AFG3L2: variants seen among roughly 807,000 people sequenced by gnomAD.
The protein encoded by AFG3L2 is mitochondrial inner membrane m-AAA protease component AFG3L2.
In AFG3L2, 54 loss-of-function variants were observed where a neutral mutation model predicts 94.5. The observed-to-expected ratio is 0.57, with a 90% confidence interval of 0.46 to 0.72. The LOEUF (loss-of-function observed/expected upper bound fraction) is 0.72, where lower values mean the gene tolerates loss of function less well. AFG3L2 is among the 30% of genes least tolerant of loss of function. The pLI, the probability that AFG3L2 is intolerant of heterozygous loss-of-function variation, is 0.00. For synonymous variants in AFG3L2, 377 were observed against 365.5 expected, an observed-to-expected ratio of 1.03 and a Z score of -0.36; for missense variants, 754 against 994.9, an observed-to-expected ratio of 0.76 and a Z score of 3.26.
At chr18:12,334,299 C>G (rs928291645) in intron 16 of AFG3L2, among the ~76,000 whole-genome samples, 1 of 152,236 alleles carries the variant, frequency 6.6e-6, no homozygotes, top group Admixed American at 6.5e-5. Context: ...TTTCAATAAA[C>G]AGACCTTAGT....
chr18:12,351,166 G>A lies in AFG3L2; in HGVS notation c.1471C>T (p.Leu491Phe). The stretch of plus-strand genomic sequence containing the variant: ...GTACTGTCCAGTTTTAGCGGTCGGA[G>A]ATGAACTTTGAAAATAGAAGCTCTT... ...KGRASIFKVHLRPLKLDSTLE... is the reference protein window; with the variant it reads ...KGRASIFKVHFRPLKLDSTLE... The change falls in exon 12 of 17, where the codon CTC (leucine) becomes TTC (phenylalanine). Residue 491 changes from leucine (L) to phenylalanine (F), a missense_variant. Physicochemically the swap from Leu to Phe is conservative, Grantham distance 22 (BLOSUM62 0). This residue lies in a region of AFG3L2 where 279 missense variants were observed against 378.6 expected (regional missense o/e 0.74). Transcript: ENST00000269143. The A allele has an allele frequency of 6.2e-7, 1 of 1,614,110 alleles. No individual in the cohort carries two copies. Among genetic ancestry groups the A allele is most frequent in the Non-Finnish European group, 8.5e-7 (1 of 1,180,022 alleles).
At chr18:12,352,899 G>A in intron 10 of AFG3L2, 106 bp downstream of exon 10, 3 of 1,517,394 alleles carry the variant, frequency 2.0e-6, no homozygotes, top group Non-Finnish European at 2.7e-6. Flanking sequence ...AGGATGCAGT[G>A]AGCCGAAATC....
rs1908364105 is a variant in AFG3L2, at chr18:12,352,921, T to G, written c.1318+84A>C. On this transcript the variant is annotated intron_variant, in intron 10 of 16. Transcript: ENST00000269143. ...AGTGAGCCGAAATCACACCACTCAC[T>G]TCAGCCTGGACGACAGAGTCAGACT... The G allele has an allele frequency of 1.9e-6, 3 of 1,584,112 alleles. No individual in the cohort carries two copies. In the South Asian group the frequency reaches 3.3e-5, roughly 18 times the overall value.
chr18:12,353,096 G>A lies in AFG3L2; in HGVS notation c.1227C>T (p.Ile409=), dbSNP rs185454855. 1.4e-5 allele frequency: 23 copies of A among 1,614,114 alleles called. No individual in the cohort carries two copies. The highest frequency in any genetic ancestry group is 1.8e-5 in the Non-Finnish European group (21 of 1,180,020). The stretch of plus-strand genomic sequence containing the variant: ...TTCCTCTCTTCCTTCCCACCGCATC[G>A]ATTTCATCGATGAAGAGGATGCAAG... ...NAPCILFIDE[I]DAVGRKRGRG... The change falls in exon 10 of 17, where the codon ATC becomes ATT. Residue 409 remains isoleucine, a synonymous_variant. Coordinates refer to ENST00000269143, the MANE Select transcript of AFG3L2 (RefSeq NM_006796.3).
At chr18:12,371,952 ATT>A (rs1909004329) in intron 1 of AFG3L2, among the ~76,000 whole-genome samples, 1 of 152,214 alleles carries the variant, frequency 6.6e-6, no homozygotes, top group Non-Finnish European at 1.5e-5. Flanking sequence ...TTGCAATCCA[ATT>A]ATAATTATGT....
intron 10 of AFG3L2, 141 bp from the exon 11 acceptor site, chr18:12,351,554 T>G (rs1908319304): frequency 1.2e-6 from 1 of 818,642 alleles, no homozygotes; most frequent in East Asian, 2.7e-5. Context: ...TTTTTGTTTT[T>G]TTTTTTTTTG....
intron 6 of AFG3L2, among the ~76,000 whole-genome samples, chr18:12,363,113 T>C (rs1303705780): frequency 1.3e-5 from 2 of 152,192 alleles, no homozygotes; most frequent in Non-Finnish European, 2.9e-5. Context: ...ATGGTCACCA[T>C]CACTTCTAGT....
chr18:12,339,927 G>A (rs1598822670), intron 15 of AFG3L2, among the ~76,000 whole-genome samples: 1 of 151,896 alleles, frequency 6.6e-6, no homozygotes, highest in Non-Finnish European at 1.5e-5. Flanking sequence ...GGCTGAGGCA[G>A]GACAATCACT....
chr18:12,329,334 A>C lies in AFG3L2; in HGVS notation c.*231T>G, dbSNP rs969378273. On this transcript the variant is annotated 3_prime_UTR_variant, in exon 17 of 17. Transcript: ENST00000269143. ...ACCTTTCCAGCACGTCTGGGAGCCCAATGAGGCTATGGGACAGTGTGCATT... is the reference window on the plus strand; with the variant it reads ...ACCTTTCCAGCACGTCTGGGAGCCCCATGAGGCTATGGGACAGTGTGCATT... The C allele has an allele frequency of 1.5e-6, 1 of 673,360 alleles. No individual in the cohort carries two copies. The highest frequency in any genetic ancestry group is 2.7e-6 in the Non-Finnish European group (1 of 373,058). The allele number at this position is 673,360 out of a possible 1,614,324, so 41.7% of individuals were successfully genotyped here.
intron 5 of AFG3L2, among the ~76,000 whole-genome samples, chr18:12,364,133 C>G (rs1324790073): frequency 6.6e-6 from 1 of 152,196 alleles, no homozygotes; most frequent in African/African-American, 2.4e-5. Context: ...TATGCACATT[C>G]CCTTCTGCCT....
chr18:12,366,470 C>T (rs1333882576), intron 5 of AFG3L2, among the ~76,000 whole-genome samples: 2 of 152,188 alleles, frequency 1.3e-5, no homozygotes, highest in Non-Finnish European at 2.9e-5. Flanking sequence ...ACTTGGCCCT[C>T]CCTTAGAGCC....
rs1426413791 is a variant in AFG3L2, at chr18:12,352,919, A to G, written c.1318+86T>C. 5.7e-6 allele frequency: 9 copies of G among 1,577,970 alleles called. No individual in the cohort carries two copies. In the East Asian group the frequency reaches 2.0e-4, roughly 36 times the overall value. On this transcript the variant is annotated intron_variant, in intron 10 of 16. Coordinates refer to ENST00000269143, the MANE Select transcript of AFG3L2 (RefSeq NM_006796.3). ...GCAGTGAGCCGAAATCACACCACTC[A>G]CTTCAGCCTGGACGACAGAGTCAGA... is the stretch of plus-strand genomic sequence containing the variant.
At chr18:12,376,941 G>A in intron 1 of AFG3L2, 28 bp downstream of exon 1, 3 of 1,404,898 alleles carry the variant, frequency 2.1e-6, no homozygotes, top group Non-Finnish European at 2.8e-6. Flanking sequence ...GCAGGGTGGA[G>A]GGCGCCGGGC....
intron 8 of AFG3L2, 86 bp downstream of exon 8, chr18:12,358,584 T>C (rs1415007137): frequency 2.7e-6 from 4 of 1,481,438 alleles, no homozygotes; most frequent in Admixed American, 2.0e-5. Flanking sequence ...AAAACAGCTA[T>C]CTATAATAAG....
intron 5 of AFG3L2, among the ~76,000 whole-genome samples, chr18:12,364,176 T>C (rs1908741155): frequency 6.6e-6 from 1 of 152,248 alleles, no homozygotes; most frequent in Non-Finnish European, 1.5e-5. Context: ...TTGTTTTATA[T>C]ATAAGTATTC....
intron 1 of AFG3L2, among the ~76,000 whole-genome samples, chr18:12,375,647 G>A (rs914747645): frequency 1.1e-4 from 16 of 152,162 alleles, no homozygotes; most frequent in Non-Finnish European, 2.1e-4. Context: ...CCAGGTTCAC[G>A]CCATTCCCCT....
intron 1 of AFG3L2, among the ~76,000 whole-genome samples, chr18:12,373,264 A>G (rs1455492823): frequency 1.3e-5 from 2 of 152,220 alleles, no homozygotes; most frequent in African/African-American, 2.4e-5. Context: ...ATGCAACATA[A>G]GAGTTTTTTT....
intron 13 of AFG3L2, among the ~76,000 whole-genome samples, chr18:12,346,702 G>T (rs1033804402): frequency 6.6e-6 from 1 of 152,076 alleles, no homozygotes; most frequent in Non-Finnish European, 1.5e-5. Context: ...TCAGGAGTTC[G>T]AGATCAGCCT....
chr18:12,364,745 A>G (rs1407723957), intron 5 of AFG3L2, among the ~76,000 whole-genome samples: 1 of 152,140 alleles, frequency 6.6e-6, no homozygotes, highest in Non-Finnish European at 1.5e-5. Flanking sequence ...AGCTCACTGC[A>G]GCCTCAACTT....
Sources: gnomAD v4.1 joint callset for allele counts (sites outside exome capture counted in the v4.1 genomes callset) on GRCh38, gnomAD v4.1.1 for gene constraint, gnomAD v4.1.1 regional missense constraint, MANE v1.5 for transcripts, NCBI Gene and HGNC (gene_info 2026-07-23, HGNC 2026-07-21) for gene names.